The following POFUT3 variants were observed in gnomAD, a reference collection of about 807,000 sequenced individuals.
POFUT3 encodes GDP-fucose protein O-fucosyltransferase 3.
chr8:33,380,135 T>TACTATATATATAC, the POFUT3 span, among the ~76,000 whole-genome samples: 7 of 59,598 alleles, frequency 1.2e-4, no homozygotes, highest in Admixed American at 2.7e-4. Context: ...TATATATATA[T>TACTATATATATAC]ACTATATATA....
At chr8:33,407,295 AG>A in the POFUT3 span, among the ~76,000 whole-genome samples, 1 of 152,222 alleles carries the variant, frequency 6.6e-6, no homozygotes, top group Non-Finnish European at 1.5e-5. Context: ...AGGCCCTGAT[AG>A]AACAATGCCT....
At chr8:33,386,279 A>G in the POFUT3 span, among the ~76,000 whole-genome samples, 1 of 152,004 alleles carries the variant, frequency 6.6e-6, no homozygotes. Flanking sequence ...TAATAAGCAC[A>G]TTAGCATTTT....
the POFUT3 span, among the ~76,000 whole-genome samples, chr8:33,422,804 G>A: frequency 6.6e-6 from 1 of 151,894 alleles, no homozygotes; most frequent in Non-Finnish European, 1.5e-5. Context: ...TTCTCTGATA[G>A]TTATATTCCA....
chr8:33,366,436 TA>T, the POFUT3 span, among the ~76,000 whole-genome samples: 114 of 144,152 alleles, frequency 7.9e-4, no homozygotes, highest in African/African-American at 8.6e-4. Flanking sequence ...ACTTTTCAAC[TA>T]AAAAAAAAAA....
the POFUT3 span, among the ~76,000 whole-genome samples, chr8:33,427,261 G>A: frequency 6.6e-6 from 1 of 152,062 alleles, no homozygotes; most frequent in African/African-American, 2.4e-5. Flanking sequence ...GGACAACATA[G>A]GAGACCTTGT....
the POFUT3 span, among the ~76,000 whole-genome samples, chr8:33,391,537 G>T: frequency 1.3e-5 from 2 of 152,196 alleles, no homozygotes; most frequent in African/African-American, 2.4e-5. Flanking sequence ...ATATGAAAGA[G>T]AATGTGAGAA....
chr8:33,461,914 C>CT, the POFUT3 span, among the ~76,000 whole-genome samples: 1 of 151,578 alleles, frequency 6.6e-6, no homozygotes, highest in African/African-American at 2.4e-5. Context: ...AATCCCAGCA[C>CT]TTTGTGAGGC....
chr8:33,435,222 A>ATTT, the POFUT3 span, among the ~76,000 whole-genome samples: 6 of 144,354 alleles, frequency 4.2e-5, no homozygotes, highest in African/African-American at 1.3e-4. Context: ...TTTTAATTTA[A>ATTT]TTTTTTTTTT....
the POFUT3 span, among the ~76,000 whole-genome samples, chr8:33,367,278 C>T: frequency 5.9e-5 from 9 of 152,272 alleles, no homozygotes; most frequent in East Asian, 3.9e-4. Flanking sequence ...GGCAGAAAAC[C>T]GCTTAAAGGC....
At chr8:33,443,899 GAGA>G in the POFUT3 span, among the ~76,000 whole-genome samples, 1 of 151,862 alleles carries the variant, frequency 6.6e-6, no homozygotes, top group Non-Finnish European at 1.5e-5. Context: ...GTTGAGGCAG[GAGA>G]AGCACTTCAG....
At chr8:33,447,589 G>T in the POFUT3 span, among the ~76,000 whole-genome samples, 2 of 152,210 alleles carry the variant, frequency 1.3e-5, no homozygotes, top group African/African-American at 2.4e-5. Context: ...ACCAGACACA[G>T]TATTCGCATA....
chr8:33,310,829 T>G, the POFUT3 span, among the ~76,000 whole-genome samples: 7 of 152,210 alleles, frequency 4.6e-5, no homozygotes, highest in South Asian at 1.5e-3. Context: ...TGGTATCAGC[T>G]AGGCGCTTTA....
chr8:33,380,317 T>C, the POFUT3 span, among the ~76,000 whole-genome samples: 2 of 136,958 alleles, frequency 1.5e-5, no homozygotes, highest in African/African-American at 5.7e-5. Context: ...GGAGATGTAA[T>C]ATAAAACAGG....
At chr8:33,425,924 A>G in the POFUT3 span, among the ~76,000 whole-genome samples, 3 of 149,970 alleles carry the variant, frequency 2.0e-5, no homozygotes, top group Non-Finnish European at 4.4e-5. Flanking sequence ...AAAAAAGATT[A>G]GTGAATTCAC....
the POFUT3 span, among the ~76,000 whole-genome samples, chr8:33,462,449 G>T: frequency 8.5e-5 from 13 of 152,130 alleles, no homozygotes; most frequent in African/African-American, 3.1e-4. Flanking sequence ...TCATCATGTG[G>T]CCCCCAATGC....
chr8:33,325,864 C>T, the POFUT3 span, among the ~76,000 whole-genome samples: 1 of 152,084 alleles, frequency 6.6e-6, no homozygotes, highest in Non-Finnish European at 1.5e-5. Context: ...TAATCCAGCC[C>T]CCTCCATAAC....
chr8:33,433,719 G>T, the POFUT3 span, among the ~76,000 whole-genome samples: 3 of 151,702 alleles, frequency 2.0e-5, no homozygotes, highest in Non-Finnish European at 4.4e-5. Flanking sequence ...AGGAGGCAAA[G>T]ATTGCAGTGA....
chr8:33,388,617 G>A, the POFUT3 span, among the ~76,000 whole-genome samples: 4 of 152,090 alleles, frequency 2.6e-5, no homozygotes, highest in African/African-American at 4.8e-5. Context: ...AATTACAGGC[G>A]TGAGCCATCA....
the POFUT3 span, among the ~76,000 whole-genome samples, chr8:33,332,302 G>A: frequency 6.6e-6 from 1 of 151,356 alleles, no homozygotes; most frequent in Non-Finnish European, 1.5e-5. Context: ...TGGCCAACAT[G>A]GTGAAAGCCT....
Sources: allele counts gnomAD v4.1 joint callset (sites outside exome capture counted in the v4.1 genomes callset), GRCh38; gene constraint gnomAD v4.1.1; transcripts MANE v1.5; gene names NCBI Gene and HGNC (gene_info 2026-07-23, HGNC 2026-07-21).